Variants in ITPR2 observed in about 807,000 individuals in gnomAD.
ITPR2 encodes the protein inositol 1,4,5-trisphosphate receptor type 2, also known as inositol 1,4,5-trisphosphate-gated calcium channel ITPR2.
Under a neutral mutation model 317.1 loss-of-function variants are expected in ITPR2, and 207 were observed. The ratio of observed to expected loss-of-function variants is 0.65; its 90% CI spans 0.58 to 0.73. ITPR2 has a LOEUF of 0.73. ITPR2 is among the 30% of genes least tolerant of loss of function. The pLI, the probability that ITPR2 is intolerant of heterozygous loss-of-function variation, is 0.00. For missense variants in ITPR2, 2,613 were observed against 3,284.0 expected (o/e 0.80, Z 4.99); for synonymous variants, 1,156 against 1,149.1 (o/e 1.01, Z -0.12).
At chr12:26,567,275 T>C (rs906879757) in intron 34 of ITPR2, among the ~76,000 whole-genome samples, 3 of 152,212 alleles carry the variant, frequency 2.0e-5, no homozygotes, top group Non-Finnish European at 2.9e-5. Flanking sequence ...TGCAGCCTTT[T>C]TATTAGTGAC....
intron 2 of ITPR2, among the ~76,000 whole-genome samples, chr12:26,764,106 G>C (rs1164393754): frequency 2.0e-5 from 3 of 152,036 alleles, no homozygotes; most frequent in Non-Finnish European, 4.4e-5. Flanking sequence ...ATTAAGTAAA[G>C]GTAGTCTTTG....
intron 1 of ITPR2, among the ~76,000 whole-genome samples, chr12:26,821,031 T>TA (rs1303209777): frequency 1.3e-5 from 2 of 152,016 alleles, no homozygotes; most frequent in African/African-American, 2.4e-5. Context: ...TCTGGGATAG[T>TA]AAAAAAAAGT....
chr12:26,567,958 AT>A (rs1201591818), intron 34 of ITPR2, among the ~76,000 whole-genome samples: 4 of 25,696 alleles, frequency 1.6e-4, no homozygotes, highest in South Asian at 1.3e-3. Flanking sequence ...TATTATATAT[AT>A]ATATATATAT....
chr12:26,688,200 A>G lies in ITPR2; in HGVS notation c.997-1568T>C, dbSNP rs150365452. 3.7e-4 allele frequency among the ~76,000 whole-genome samples: 56 copies of G among 152,184 alleles called. No homozygotes were observed. The East Asian group carries it at 8.4e-3, about 23-fold the overall frequency. ...ACAGACGTGTGCCACCACACACCAC[A>G]TCAACAATTTTTATAATTGTTGTAC... On this transcript the variant is annotated intron_variant, in intron 10 of 56. Coordinates refer to ENST00000381340, the MANE Select transcript of ITPR2 (RefSeq NM_002223.4).
At chr12:26,406,747 AC>A (rs1466060606) in intron 52 of ITPR2, 1 of 152,140 alleles carries the variant, frequency 6.6e-6, no homozygotes, top group Non-Finnish European at 1.5e-5. Context: ...TGCACAACAA[AC>A]CCCAGGTTCT....
At chr12:26,585,701 G>A (rs116940029) in intron 32 of ITPR2, among the ~76,000 whole-genome samples, 2 of 152,222 alleles carry the variant, frequency 1.3e-5, no homozygotes, top group East Asian at 3.9e-4. Context: ...CACTACACCC[G>A]ACCCTTTATA....
At chr12:26,475,242 C>A in intron 45 of ITPR2, 54 bp downstream of exon 45, 1 of 1,599,932 alleles carries the variant, frequency 6.3e-7, no homozygotes, top group South Asian at 1.1e-5. Context: ...GCCATGGATA[C>A]AAAACACGAT....
intron 28 of ITPR2, among the ~76,000 whole-genome samples, chr12:26,601,292 G>C (rs1945993457): frequency 6.6e-6 from 1 of 152,090 alleles, no homozygotes; most frequent in African/African-American, 2.4e-5. Context: ...ATATTCCCTA[G>C]CTTTGCCTAT....
At chr12:26,379,784 T>A (rs991780166) in intron 55 of ITPR2, among the ~76,000 whole-genome samples, 1 of 152,224 alleles carries the variant, frequency 6.6e-6, no homozygotes, top group African/African-American at 2.4e-5. Context: ...TATCAATGGG[T>A]ACATTGAAGT....
At chr12:26,584,680 G>A (rs1379611624) in intron 32 of ITPR2, among the ~76,000 whole-genome samples, 1 of 152,164 alleles carries the variant, frequency 6.6e-6, no homozygotes, top group Non-Finnish European at 1.5e-5. Context: ...CTGAACATTT[G>A]AAATGTGACT....
At chr12:26,341,281 C>CTAT (rs1157332812) in intron 55 of ITPR2, among the ~76,000 whole-genome samples, 1 of 152,194 alleles carries the variant, frequency 6.6e-6, no homozygotes, top group Non-Finnish European at 1.5e-5. Flanking sequence ...GTCTACTCAC[C>CTAT]TATTTCTCTA....
intron 46 of ITPR2, 31 bp from the exon 47 acceptor site, chr12:26,439,350 CT>C (rs1244900600): frequency 1.3e-6 from 2 of 1,506,460 alleles, no homozygotes; most frequent in Non-Finnish European, 1.8e-6. Context: ...TGTTTTTAGC[CT>C]TTCGGACACC....
At chr12:26,367,161 T>A (rs1939038498) in intron 55 of ITPR2, among the ~76,000 whole-genome samples, 1 of 152,194 alleles carries the variant, frequency 6.6e-6, no homozygotes, top group African/African-American at 2.4e-5. Flanking sequence ...TTGAGAAAAT[T>A]GTATAAAGTA....
At chr12:26,567,980 A>ATATATATATATATAT (rs56837732) in intron 34 of ITPR2, among the ~76,000 whole-genome samples, 2 of 7,606 alleles carry the variant, frequency 2.6e-4, no homozygotes, top group Admixed American at 9.3e-4. Context: ...TATATATATT[A>ATATATATATATATAT]TATATATATA....
At chr12:26,573,850 T>C (rs1179969825) in intron 34 of ITPR2, among the ~76,000 whole-genome samples, 4 of 152,162 alleles carry the variant, frequency 2.6e-5, no homozygotes, top group Non-Finnish European at 5.9e-5. Context: ...CTTTTGTAAG[T>C]GCAGTGGGGA....
chr12:26,760,735 C>A (rs558405484), intron 2 of ITPR2, among the ~76,000 whole-genome samples: 80 of 152,284 alleles, frequency 5.3e-4, no homozygotes, highest in African/African-American at 1.9e-3. Flanking sequence ...GCGAGAAAGA[C>A]TAGAATGGAG....
chr12:26,467,138 T>G (rs544989332), intron 45 of ITPR2, among the ~76,000 whole-genome samples: 57 of 152,344 alleles, frequency 3.7e-4, no homozygotes, highest in African/African-American at 1.3e-3. Context: ...TCATATGGTT[T>G]CAGTATAAAT....
Position 26,782,033 on chromosome 12 carries a change from TGTATAG to T in ITPR2, c.163+8118_163+8123del, listed in dbSNP as rs1162077530. Among the ~76,000 whole-genome samples, 137 of 18,012 alleles carry T rather than the reference TGTATAG, an allele frequency of 7.6e-3. 2 individuals carry two copies. Among genetic ancestry groups the T allele is most frequent in the South Asian group, 0.016 (7 of 444 alleles). The allele number at this position is 18,012 out of a possible 152,430, so 11.8% of individuals were successfully genotyped here. A position where few individuals can be genotyped will look rare whatever the true frequency, so the allele number is the denominator to read the frequency against. On this transcript the variant is annotated intron_variant, in intron 2 of 56. Transcript: ENST00000381340. The stretch of plus-strand genomic sequence containing the variant: ...ATATATATATATATATATATATATA[TGTATAG>T]AGAGAGAGAGAGAGAGAGAGAGAGA...
At chr12:26,363,695 C>A (rs145542012) in intron 55 of ITPR2, among the ~76,000 whole-genome samples, 3 of 152,178 alleles carry the variant, frequency 2.0e-5, no homozygotes, top group Middle Eastern at 3.4e-3. Context: ...GTGCAGCAAA[C>A]CACCATGGCA....
Sources: allele counts gnomAD v4.1 joint callset (sites outside exome capture counted in the v4.1 genomes callset), GRCh38; gene constraint gnomAD v4.1.1; transcripts MANE v1.5; gene names NCBI Gene and HGNC (gene_info 2026-07-23, HGNC 2026-07-21).